The following CSMD1 variants were observed in gnomAD, a reference collection of about 807,000 sequenced individuals.
The protein encoded by CSMD1 is CUB and sushi domain-containing protein 1.
In CSMD1, 213 loss-of-function variants were observed where a neutral mutation model predicts 417.5. That is an observed-to-expected ratio of 0.51 (90% CI 0.46 to 0.57). CSMD1 has a LOEUF of 0.57. CSMD1 is among the 20% of genes least tolerant of loss of function. CSMD1 has a pLI of 0.00. For synonymous variants in CSMD1, 2,862 were observed against 1,736.8 expected, an observed-to-expected ratio of 1.65 and a Z score of -16.11; for missense variants, 6,923 against 4,529.7, an observed-to-expected ratio of 1.53 and a Z score of -15.17.
At chr8:4,047,257 G>A (rs764324769) in intron 3 of CSMD1, among the ~76,000 whole-genome samples, 1 of 152,100 alleles carries the variant, frequency 6.6e-6, no homozygotes, top group Admixed American at 6.6e-5. Flanking sequence ...TAAGTGGTAG[G>A]CACATGTATT....
chr8:3,893,650 G>C (rs1807149220), intron 5 of CSMD1, among the ~76,000 whole-genome samples: 1 of 151,906 alleles, frequency 6.6e-6, no homozygotes, highest in Admixed American at 6.6e-5. Context: ...TCAGTTAGGA[G>C]AGGTAGTCAA....
intron 30 of CSMD1, among the ~76,000 whole-genome samples, chr8:3,213,081 C>A (rs1322569778): frequency 6.6e-6 from 1 of 152,080 alleles, no homozygotes; most frequent in Admixed American, 6.6e-5. Context: ...CCCACGTCAG[C>A]CTCCCAAATT....
At chr8:4,123,827 A>T (rs1458156206) in intron 3 of CSMD1, among the ~76,000 whole-genome samples, 1 of 152,154 alleles carries the variant, frequency 6.6e-6, no homozygotes, top group Non-Finnish European at 1.5e-5. Flanking sequence ...TCAAGTGAGG[A>T]CCTATAGAGA....
Position 3,889,569 on chromosome 8 carries a change from GTA to G in CSMD1, c.818+108332_818+108333del, listed in dbSNP as rs566953391. Among the ~76,000 whole-genome samples the G allele has an allele frequency of 9.4e-3, 1,358 of 145,206 alleles. 38 individuals carry two copies. Among genetic ancestry groups the G allele is most frequent in the African/African-American group, 0.033 (1,300 of 39,552 alleles). On this transcript the variant is annotated intron_variant, in intron 5 of 69. Coordinates refer to ENST00000635120, the MANE Select transcript of CSMD1 (RefSeq NM_033225.6). ...TGTGTATATGTGTGTCTGTGTGTGTGTATGTGTATGTATACATATATGCTCAT... is the reference window on the plus strand; with the variant it reads ...TGTGTATATGTGTGTCTGTGTGTGTGTGTGTATGTATACATATATGCTCAT...
chr8:3,959,976 A>G (rs1221119350), intron 5 of CSMD1, among the ~76,000 whole-genome samples: 1 of 152,224 alleles, frequency 6.6e-6, no homozygotes, highest in Non-Finnish European at 1.5e-5. Flanking sequence ...ACGAAATAAC[A>G]AAGAGTGTGT....
chr8:3,456,421 C>G (rs1816143129), intron 12 of CSMD1, among the ~76,000 whole-genome samples: 1 of 152,146 alleles, frequency 6.6e-6, no homozygotes, highest in Admixed American at 6.5e-5. Flanking sequence ...AGCTGTTCCT[C>G]TTTGGCCATC....
chr8:3,664,820 T>G (rs1798600837), intron 7 of CSMD1, among the ~76,000 whole-genome samples: 1 of 152,162 alleles, frequency 6.6e-6, no homozygotes. Context: ...GAGTCAACAT[T>G]AAAATAGCTA....
At chr8:3,325,320 G>C (rs1806454110) in intron 23 of CSMD1, among the ~76,000 whole-genome samples, 5 of 152,170 alleles carry the variant, frequency 3.3e-5, no homozygotes, top group Admixed American at 3.3e-4. Context: ...AAAATATTCT[G>C]TCATCGCTCC....
intron 3 of CSMD1, among the ~76,000 whole-genome samples, chr8:4,315,408 G>A (rs1004130322): frequency 6.6e-6 from 1 of 152,160 alleles, no homozygotes; most frequent in Non-Finnish European, 1.5e-5. Flanking sequence ...CAAGGGATGA[G>A]TGGCCCATGT....
Position 3,380,891 on chromosome 8 carries a change from G to GA in CSMD1, c.2782+6602dup, listed in dbSNP as rs113958018. Among the ~76,000 whole-genome samples, 1,030 of 141,484 alleles carry GA rather than the reference G, an allele frequency of 7.3e-3. 4 individuals are homozygous for GA. Among genetic ancestry groups the GA allele is most frequent in the South Asian group, 0.01 (46 of 4,424 alleles). The allele number at this position is 141,484 out of a possible 152,430, so 92.8% of individuals were successfully genotyped here. ...TGTGTCCCAGAACTTAAAGTATAATGAAAAAAAAAAAAGTTTTGGTTAGAT... is the reference window on the plus strand; with the variant it reads ...TGTGTCCCAGAACTTAAAGTATAATGAAAAAAAAAAAAAGTTTTGGTTAGAT... On this transcript the variant is annotated intron_variant, in intron 18 of 69. Coordinates refer to ENST00000635120, the MANE Select transcript of CSMD1 (RefSeq NM_033225.6).
At chr8:4,438,993 G>C (rs1294990915) in intron 2 of CSMD1, among the ~76,000 whole-genome samples, 1 of 152,012 alleles carries the variant, frequency 6.6e-6, no homozygotes, top group African/African-American at 2.4e-5. Flanking sequence ...TAGACGTTTG[G>C]GGCAAATTTT....
chr8:3,709,678 A>ATCTTTTTTTTTTTTTTT (rs1563296488), intron 6 of CSMD1, among the ~76,000 whole-genome samples: 1 of 24,322 alleles, frequency 4.1e-5, no homozygotes, highest in Admixed American at 5.7e-4. Context: ...TTGCAGCAGC[A>ATCTTTTTTTTTTTTTTT]TGTTTTTTTT....
intron 50 of CSMD1, among the ~76,000 whole-genome samples, chr8:3,040,505 C>G (rs1811016762): frequency 6.7e-6 from 1 of 149,518 alleles, no homozygotes; most frequent in Non-Finnish European, 1.5e-5. Context: ...TATGTATATA[C>G]AAAATGATAA....
At chr8:4,146,472 A>G (rs999520654) in intron 3 of CSMD1, among the ~76,000 whole-genome samples, 1 of 150,562 alleles carries the variant, frequency 6.6e-6, no homozygotes, top group South Asian at 2.1e-4. Context: ...ACAATGTTGA[A>G]AAGGCTGTTT....
chr8:4,515,729 T>C (rs1437466138), intron 2 of CSMD1, among the ~76,000 whole-genome samples: 3 of 152,186 alleles, frequency 2.0e-5, no homozygotes, highest in Non-Finnish European at 2.9e-5. Context: ...ATGAGCCCTG[T>C]AGAGCCCAGG....
At chr8:4,045,378 T>C (rs1336909403) in intron 3 of CSMD1, among the ~76,000 whole-genome samples, 1 of 152,174 alleles carries the variant, frequency 6.6e-6, no homozygotes, top group Non-Finnish European at 1.5e-5. Context: ...GACACTGTCA[T>C]TTAAAACAGT....
intron 10 of CSMD1, among the ~76,000 whole-genome samples, chr8:3,525,735 A>G (rs1300675225): frequency 1.3e-5 from 2 of 152,182 alleles, no homozygotes; most frequent in Admixed American, 1.3e-4. Context: ...AGTTGTCGCA[A>G]TGTACTTTCA....
chr8:4,406,406 A>G (rs570737548), intron 3 of CSMD1, among the ~76,000 whole-genome samples: 4 of 152,218 alleles, frequency 2.6e-5, no homozygotes, highest in East Asian at 1.9e-4. Flanking sequence ...TACTTCCCCA[A>G]CCTCATAAAA....
chr8:4,390,035 C>G (rs989519613), intron 3 of CSMD1, among the ~76,000 whole-genome samples: 1 of 152,292 alleles, frequency 6.6e-6, no homozygotes, highest in South Asian at 2.1e-4. Context: ...TCACAAATTG[C>G]TATACTAATT....
Sources: allele counts gnomAD v4.1 joint callset (sites outside exome capture counted in the v4.1 genomes callset), GRCh38; gene constraint gnomAD v4.1.1; transcripts MANE v1.5; gene names NCBI Gene and HGNC (gene_info 2026-07-23, HGNC 2026-07-21).